Variants in SLC1A2 observed in about 807,000 individuals in gnomAD.
SLC1A2 encodes excitatory amino acid transporter 2.
Under a neutral mutation model 48.8 loss-of-function variants are expected in SLC1A2, and 15 were observed. The ratio of observed to expected loss-of-function variants is 0.31; its 90% confidence interval spans 0.21 to 0.47. The LOEUF is 0.47. Among genes scored for constraint, SLC1A2 ranks in the 20% least tolerant of loss-of-function variants. The pLI, the probability that SLC1A2 is intolerant of heterozygous loss-of-function variation, is 0.99. For missense variants in SLC1A2, 502 were observed against 730.5 expected, an observed-to-expected ratio of 0.69 and a Z score of 3.61; for synonymous variants, 279 against 272.6, an observed-to-expected ratio of 1.02 and a Z score of -0.23.
chr11:35,373,389 C>T (rs1230507876), intron 1 of SLC1A2, among the ~76,000 whole-genome samples: 2 of 152,130 alleles, frequency 1.3e-5, no homozygotes, highest in Non-Finnish European at 2.9e-5. Context: ...GTAGGGATGC[C>T]AGTCATGATC....
At chr11:35,261,075 A>G in intron 10 of SLC1A2, 110 bp from the exon 11 acceptor site, 3 of 782,042 alleles carry the variant, frequency 3.8e-6, no homozygotes, top group East Asian at 5.1e-5. Context: ...TGACTGAAAT[A>G]TTAGTTTTAA....
chr11:35,320,372 G>A (rs1380493717), intron 1 of SLC1A2, among the ~76,000 whole-genome samples: 3 of 152,184 alleles, frequency 2.0e-5, no homozygotes, highest in Non-Finnish European at 2.9e-5. Context: ...ACATTGTACT[G>A]TAATTGTCTG....
chr11:35,414,253 C>T (rs1565312804), intron 1 of SLC1A2, among the ~76,000 whole-genome samples: 1 of 151,964 alleles, frequency 6.6e-6, no homozygotes, highest in Admixed American at 6.5e-5. Context: ...AAAGAAAAAC[C>T]AGAGCACTAA....
At chr11:35,269,411 C>A (rs1318683163) in intron 9 of SLC1A2, among the ~76,000 whole-genome samples, 2 of 152,212 alleles carry the variant, frequency 1.3e-5, no homozygotes, top group East Asian at 3.8e-4. Flanking sequence ...TTGGGGAAGA[C>A]AAATTCAGTT....
rs1381614788 is a variant in SLC1A2, at chr11:35,251,660, C to T, written c.*9234G>A. 6.6e-6 allele frequency: 1 copy of T among 152,518 alleles called. No homozygotes were observed. The highest frequency in any genetic ancestry group is 6.6e-5 in the Admixed American group (1 of 15,264). 9.4% of individuals were successfully genotyped at this position (152,518 alleles called of 1,614,324 possible). A position where few individuals can be genotyped will look rare whatever the true frequency, so the allele number is the denominator to read the frequency against. The stretch of plus-strand genomic sequence containing the variant: ...GTTTTATTTCAGGAAGTATTCCATC[C>T]TAAATTTGAAAGGAGTTGAAGAAGC... On this transcript the variant is annotated 3_prime_UTR_variant, in exon 11 of 11. Transcript: ENST00000278379.
At chr11:35,311,498 A>T (rs909838881) in intron 4 of SLC1A2, among the ~76,000 whole-genome samples, 2 of 152,226 alleles carry the variant, frequency 1.3e-5, no homozygotes, top group African/African-American at 4.8e-5. Flanking sequence ...CACTTGCATA[A>T]GTGGCAAAAG....
chr11:35,360,488 A>G (rs1280605145), intron 1 of SLC1A2, among the ~76,000 whole-genome samples: 3 of 152,154 alleles, frequency 2.0e-5, no homozygotes, highest in Non-Finnish European at 4.4e-5. Flanking sequence ...AACCCCAGTG[A>G]CCATTAACCA....
At chr11:35,322,838 C>T (rs1030219875) in intron 1 of SLC1A2, 2 of 677,152 alleles carry the variant, frequency 3.0e-6, no homozygotes, top group Non-Finnish European at 5.4e-6. Flanking sequence ...TCCAGGGTTT[C>T]CCCCAGCTCC....
upstream of SLC1A2, among the ~76,000 whole-genome samples, chr11:35,420,228 G>C (rs1855750291): frequency 6.6e-6 from 1 of 151,274 alleles, no homozygotes; most frequent in African/African-American, 2.4e-5. Context: ...AGTGGCGGGG[G>C]ACGGTTCTCC....
At chr11:35,284,087 TTA>T (rs34252173) in intron 8 of SLC1A2, among the ~76,000 whole-genome samples, 4,385 of 115,842 alleles carry the variant, frequency 0.038, 319 homozygotes, top group East Asian at 0.13. Flanking sequence ...GAAGATTTTA[TTA>T]TATATATATA....
At chr11:35,415,817 C>G (rs889556894) in intron 1 of SLC1A2, among the ~76,000 whole-genome samples, 10 of 152,156 alleles carry the variant, frequency 6.6e-5, no homozygotes, top group African/African-American at 2.4e-4. Context: ...CTCTGACATA[C>G]AGAGTGACCT....
intron 8 of SLC1A2, among the ~76,000 whole-genome samples, chr11:35,281,268 A>C (rs553880095): frequency 2.6e-5 from 4 of 152,350 alleles, no homozygotes; most frequent in Non-Finnish European, 5.9e-5. Flanking sequence ...CGGTTAGTCT[A>C]ATATATCACA....
rs750693259 is a variant in SLC1A2, at chr11:35,419,003, G to C, written c.-37C>G. The C allele has an allele frequency of 2.2e-5, 34 of 1,545,144 alleles. No homozygotes were observed. The highest frequency in any genetic ancestry group is 5.0e-5 in the East Asian group (2 of 40,372). On this transcript the variant is annotated 5_prime_UTR_variant, in exon 1 of 11. Coordinates refer to ENST00000278379, the MANE Select transcript of SLC1A2 (RefSeq NM_004171.4). This position sits in a 1 kb window ranked among gnomAD's most constrained non-coding sequence, Gnocchi z 5.4. ...CGCCCCCTCCTCTTCAGCACTATCC[G>C]GCAGCTGTGGGCGAGGGAGAAAGCG...
intron 1 of SLC1A2, among the ~76,000 whole-genome samples, chr11:35,366,549 A>G (rs559567481): frequency 6.6e-6 from 1 of 152,324 alleles, no homozygotes; most frequent in South Asian, 2.1e-4. Flanking sequence ...GAATTTCTCC[A>G]TGGGACTGAA....
chr11:35,310,515 T>C (rs1319020857), intron 4 of SLC1A2, among the ~76,000 whole-genome samples: 1 of 152,204 alleles, frequency 6.6e-6, no homozygotes, highest in African/African-American at 2.4e-5. Context: ...TAAAATAGTA[T>C]CTGAAACCAG....
chr11:35,414,669 G>A (rs1855559656), intron 1 of SLC1A2, among the ~76,000 whole-genome samples: 1 of 152,190 alleles, frequency 6.6e-6, no homozygotes, highest in Non-Finnish European at 1.5e-5. Context: ...GAAATCAAAA[G>A]CTGCAAGCAA....
intron 1 of SLC1A2, among the ~76,000 whole-genome samples, chr11:35,377,215 A>T (rs72638198): frequency 0.2 from 30,865 of 152,186 alleles, 3,751 homozygotes; most frequent in Non-Finnish European, 0.27. Flanking sequence ...GGGGTTAAGC[A>T]ACTTCCCAAG....
intron 1 of SLC1A2, among the ~76,000 whole-genome samples, chr11:35,400,297 C>T (rs1256265405): frequency 6.6e-6 from 1 of 152,028 alleles, no homozygotes; most frequent in African/African-American, 2.4e-5. Flanking sequence ...GTCATGGTAC[C>T]TCCAAAAAAT....
At chr11:35,281,120 CA>C in intron 8 of SLC1A2, 119 bp from the exon 9 acceptor site, 1 of 1,360,874 alleles carries the variant, frequency 7.3e-7, no homozygotes. Context: ...ACCCCCACCC[CA>C]TACTCTCCAC....
Sources: allele counts gnomAD v4.1 joint callset (sites outside exome capture counted in the v4.1 genomes callset), GRCh38; gene constraint gnomAD v4.1.1; non-coding constraint Gnocchi (gnomAD v3.1); transcripts MANE v1.5; gene names NCBI Gene and HGNC (gene_info 2026-07-23, HGNC 2026-07-21).